ANO4: variants seen among roughly 807,000 people sequenced by gnomAD.
ANO4 encodes anoctamin-4.
In ANO4, 69 loss-of-function variants were observed where a neutral mutation model predicts 141.9. That is an observed-to-expected ratio of 0.49 (90% CI 0.40 to 0.59). The LOEUF (loss-of-function observed/expected upper bound fraction) is 0.59, where lower values mean the gene tolerates loss of function less well. Among genes scored for constraint, ANO4 ranks in the 20% least tolerant of loss-of-function variants. ANO4 has a pLI of 0.00. For missense variants in ANO4, 894 were observed against 1,162.2 expected, an observed-to-expected ratio of 0.77 and a Z score of 3.36; for synonymous variants, 350 against 394.3, an observed-to-expected ratio of 0.89 and a Z score of 1.33.
intron 17 of ANO4, among the ~76,000 whole-genome samples, chr12:101,091,129 T>A (rs184254402): frequency 6.6e-6 from 1 of 152,312 alleles, no homozygotes; most frequent in African/African-American, 2.4e-5. Flanking sequence ...TGGTTTTTCA[T>A]TTATTTTAGA....
At chr12:101,067,937 T>C (rs761815385) in intron 14 of ANO4, among the ~76,000 whole-genome samples, 13 of 152,200 alleles carry the variant, frequency 8.5e-5, no homozygotes, top group Non-Finnish European at 1.8e-4. Context: ...AAAAAATCCT[T>C]TGGAATACTG....
intron 2 of ANO4, among the ~76,000 whole-genome samples, chr12:100,916,225 G>C (rs768273478): frequency 6.6e-6 from 1 of 152,108 alleles, no homozygotes; most frequent in African/African-American, 2.4e-5. Flanking sequence ...GATTTTTATT[G>C]TAAGCCCTTT....
intron 8 of ANO4, among the ~76,000 whole-genome samples, chr12:100,988,392 T>C (rs1395639594): frequency 6.6e-6 from 1 of 151,590 alleles, no homozygotes; most frequent in Admixed American, 6.6e-5. Context: ...CTGTAAACAA[T>C]AGGAGAAACA....
At chr12:100,895,501 C>T (rs1483466795) in intron 1 of ANO4, among the ~76,000 whole-genome samples, 8 of 150,332 alleles carry the variant, frequency 5.3e-5, no homozygotes, top group Admixed American at 1.3e-4. Flanking sequence ...TTCACTTTTT[C>T]GGTAGGATTT....
intron 1 of ANO4, among the ~76,000 whole-genome samples, chr12:100,896,099 T>A (rs567780972): frequency 1.6e-4 from 25 of 152,098 alleles, no homozygotes; most frequent in Non-Finnish European, 3.1e-4. Context: ...AATCAAAACT[T>A]TGGAAAATGC....
Position 100,722,776 on chromosome 12 carries a change from T to C in ANO4, c.22+5229T>C, listed in dbSNP as rs146454008. ...TGTGACTGAGGGAGTGAATGGAGTA[T>C]AGTAGGGGGCAGTACACCATGTGGA... On this transcript the variant is annotated intron_variant, in intron 1 of 29. Transcript: ENST00000644049. Among the ~76,000 whole-genome samples, 284 of 152,280 alleles carry C rather than the reference T, an allele frequency of 1.9e-3. 1 individual carries two copies. The highest frequency in any genetic ancestry group is 0.017 in the Admixed American group (253 of 15,288).
At chr12:101,027,826 A>G (rs1038752371) in intron 9 of ANO4, among the ~76,000 whole-genome samples, 2 of 152,128 alleles carry the variant, frequency 1.3e-5, no homozygotes, top group African/African-American at 4.8e-5. Context: ...GACAGTGAAA[A>G]TGCTTCATTA....
chr12:101,120,492 A>G, intron 25 of ANO4, 28 bp from the exon 26 acceptor site: 1 of 1,576,808 alleles, frequency 6.3e-7, no homozygotes, highest in Non-Finnish European at 8.7e-7. Context: ...TCATAGTTTG[A>G]ATGCAACATT....
At chr12:101,070,702 G>GGAAACAACAT (rs2048775237) in intron 14 of ANO4, among the ~76,000 whole-genome samples, 1 of 152,048 alleles carries the variant, frequency 6.6e-6, no homozygotes, top group Non-Finnish European at 1.5e-5. Context: ...ACACAGCAAA[G>GGAAACAACAT]GAAACAACAT....
chr12:100,903,470 T>G (rs1164014713), intron 2 of ANO4, among the ~76,000 whole-genome samples: 1 of 152,200 alleles, frequency 6.6e-6, no homozygotes, highest in Non-Finnish European at 1.5e-5. Flanking sequence ...CTTAGCATGT[T>G]AAAAACAAAT....
chr12:101,034,974 G>A (rs1248627997), intron 9 of ANO4, among the ~76,000 whole-genome samples: 1 of 152,146 alleles, frequency 6.6e-6, no homozygotes, highest in Non-Finnish European at 1.5e-5. Flanking sequence ...AACCACTTAA[G>A]AAAACAGTGT....
chr12:100,908,453 TATAA>T (rs1374455689), intron 2 of ANO4, among the ~76,000 whole-genome samples: 1 of 152,174 alleles, frequency 6.6e-6, no homozygotes, highest in Admixed American at 6.5e-5. Context: ...TGGTTGAAAA[TATAA>T]ATAAAGCCAA....
intron 3 of ANO4, among the ~76,000 whole-genome samples, chr12:100,771,378 G>A (rs1256997939): frequency 6.6e-6 from 1 of 152,158 alleles, no homozygotes; most frequent in East Asian, 1.9e-4. Flanking sequence ...CAGGTGTCAG[G>A]GTAGCTGATT....
intron 14 of ANO4, among the ~76,000 whole-genome samples, chr12:101,054,374 A>AT (rs2048009619): frequency 1.3e-5 from 2 of 152,346 alleles, no homozygotes; most frequent in East Asian, 1.9e-4. Context: ...TTGTGGGAAG[A>AT]TTTTTTTCAA....
At chr12:101,120,882 C>A (rs891379729) in intron 26 of ANO4, among the ~76,000 whole-genome samples, 1 of 152,002 alleles carries the variant, frequency 6.6e-6, no homozygotes, top group Non-Finnish European at 1.5e-5. Flanking sequence ...TTTTCTGGGG[C>A]CATAGTTCTT....
intron 8 of ANO4, among the ~76,000 whole-genome samples, chr12:101,000,488 C>A (rs957583119): frequency 2.0e-5 from 3 of 152,134 alleles, no homozygotes; most frequent in African/African-American, 7.2e-5. Flanking sequence ...ATCCTTCAGG[C>A]AGAGGTACCA....
At chr12:100,834,475 A>G (rs1042004528) in intron 1 of ANO4, among the ~76,000 whole-genome samples, 3 of 152,110 alleles carry the variant, frequency 2.0e-5, no homozygotes, top group Admixed American at 2.0e-4. Context: ...TTTCCTGAAG[A>G]GCATAGATTG....
intron 5 of ANO4, among the ~76,000 whole-genome samples, chr12:100,947,629 A>T (rs2042779727): frequency 6.6e-6 from 1 of 152,246 alleles, no homozygotes; most frequent in Non-Finnish European, 1.5e-5. Context: ...ATGCATGAGC[A>T]CATGTGGGTG....
chr12:100,987,760 G>T, intron 8 of ANO4, 90 bp downstream of exon 8: 1 of 1,532,060 alleles, frequency 6.5e-7, no homozygotes, highest in Non-Finnish European at 8.8e-7. Context: ...CTGGGCATGA[G>T]GAAGGAACAG....
Sources: allele counts gnomAD v4.1 joint callset (sites outside exome capture counted in the v4.1 genomes callset), GRCh38; gene constraint gnomAD v4.1.1; transcripts MANE v1.5; gene names NCBI Gene and HGNC (gene_info 2026-07-23, HGNC 2026-07-21).